Variants in MTTP observed in about 807,000 individuals in gnomAD.
MTTP encodes microsomal triglyceride transfer protein.
In MTTP, 49 loss-of-function variants were observed where a neutral mutation model predicts 90.6. The observed-to-expected ratio is 0.54, with a 90% CI of 0.43 to 0.69. The LOEUF (loss-of-function observed/expected upper bound fraction) is 0.69. Among genes scored for constraint, MTTP ranks in the 30% least tolerant of loss-of-function variants. The pLI is 0.00. For synonymous variants in MTTP, 347 were observed against 384.2 expected (o/e 0.90, Z 1.13); for missense variants, 945 against 1,067.5 (o/e 0.89, Z 1.60).
intron 8 of MTTP, among the ~76,000 whole-genome samples, chr4:99,598,067 A>C (rs1468605618): frequency 6.6e-6 from 1 of 152,204 alleles, no homozygotes; most frequent in Non-Finnish European, 1.5e-5. Flanking sequence ...ACAGGAGGAA[A>C]ATTGCAGCTT....
At chr4:99,570,619 A>G (rs1724820462), upstream of MTTP, 2 of 449,098 alleles carry the variant, frequency 4.5e-6, no homozygotes, top group South Asian at 3.2e-5. Context: ...AACCTGTGAT[A>G]GTCTAAGTTA....
intron 14 of MTTP, among the ~76,000 whole-genome samples, chr4:99,612,548 TAA>T (rs1725985801): frequency 1.3e-5 from 2 of 152,082 alleles, no homozygotes; most frequent in South Asian, 2.1e-4. Context: ...CTGGAAAGAC[TAA>T]GAGTCTGTAG....
At chr4:99,611,636 G>T (rs1375458936) in intron 14 of MTTP, among the ~76,000 whole-genome samples, 183 bp downstream of exon 14, 1 of 152,174 alleles carries the variant, frequency 6.6e-6, no homozygotes. Context: ...CTCAGAGAAA[G>T]TTTCGAATTT....
intron 15 of MTTP, among the ~76,000 whole-genome samples, chr4:99,616,221 C>T (rs1726096001): frequency 6.6e-6 from 1 of 152,026 alleles, no homozygotes; most frequent in Admixed American, 6.6e-5. Flanking sequence ...TGGTGAAACC[C>T]CAGATCTACA....
In MTTP at chr4:99,574,845, GAA is replaced by G. The variant is rs746269501; in HGVS notation, c.-63_-62del. On this transcript the variant is annotated 5_prime_UTR_variant, in exon 1 of 18. Transcript: ENST00000265517. ...GGTCACTCCCTCACTGGCTGCCATTGAAAGAGTCCACTTCTCAGTGACTCCTA... is the reference window on the plus strand; with the variant it reads ...GGTCACTCCCTCACTGGCTGCCATTGAGAGTCCACTTCTCAGTGACTCCTA... The G allele has an allele frequency of 3.0e-5, 49 of 1,613,938 alleles. 1 individual carries two copies. In the South Asian group the frequency reaches 5.2e-4, roughly 17 times the overall value.
chr4:99,568,796 A>G (rs1724766242), intron 1 of MTTP, among the ~76,000 whole-genome samples: 1 of 152,186 alleles, frequency 6.6e-6, no homozygotes, highest in Admixed American at 6.5e-5. Flanking sequence ...CAGTGGCTAA[A>G]GATAGAACAA....
At position 99,611,408 on chromosome 4, in the gene MTTP, G is replaced by C. The variant is rs371687158; in HGVS notation, c.1944G>C (p.Leu648=). 1 of 1,613,936 alleles carries C rather than the reference G, an allele frequency of 6.2e-7. No homozygotes were observed. The highest frequency in any genetic ancestry group is 1.3e-5 in the African/African-American group (1 of 74,908). Residue 648 remains leucine (L), a synonymous_variant, in exon 14 of 18, where the codon CTG becomes CTC. Transcript: ENST00000265517. ...CTGGCATTCTAAGGAGAAGTAACCT[G>C]AACATCTTTCAGTACATTGGGAAGG... is the stretch of plus-strand genomic sequence containing the variant. The part of the protein sequence containing the change: ...SGSGILRRSN[L]NIFQYIGKAG...
At chr4:99,608,556 A>G (rs2110229954) in intron 11 of MTTP, among the ~76,000 whole-genome samples, 1 of 152,364 alleles carries the variant, frequency 6.6e-6, no homozygotes. Context: ...CCAGCTCTTA[A>G]CGGCCTCAGC....
Position 99,622,659 on chromosome 4 carries a change from G to A in MTTP, c.2514-18G>A, listed in dbSNP as rs750102561. On this transcript the variant is annotated intron_variant, in intron 17 of 17. Coordinates refer to ENST00000265517, the MANE Select transcript of MTTP (RefSeq NM_001386140.1). ...TAACTGTGTGTGTAATTCTGTTATTGTTGCTGTTGTTGTACAGGCAATTTG... is the reference window on the plus strand; with the variant it reads ...TAACTGTGTGTGTAATTCTGTTATTATTGCTGTTGTTGTACAGGCAATTTG... 4.3e-5 allele frequency: 69 copies of A among 1,613,080 alleles called. No homozygotes were observed. The highest frequency in any genetic ancestry group is 5.7e-5 in the Non-Finnish European group (67 of 1,179,250).
At position 99,622,855 on chromosome 4, in the gene MTTP, C is replaced by T. The variant is rs1425081399; in HGVS notation, c.*7C>T. 3 of 1,613,596 alleles carry T rather than the reference C, an allele frequency of 1.9e-6. No individual in the cohort carries two copies. Among genetic ancestry groups the T allele is most frequent in the Non-Finnish European group, 2.5e-6 (3 of 1,179,650 alleles). ...TTCCAGCGGATGGTTTTGAAACTGA[C>T]CTGTGATATTTTACTTGAATTTGTC... On this transcript the variant is annotated 3_prime_UTR_variant, in exon 18 of 18. Transcript: ENST00000265517.
chr4:99,580,108 G>A (rs1300914064), intron 1 of MTTP, among the ~76,000 whole-genome samples: 1 of 150,206 alleles, frequency 6.7e-6, no homozygotes, highest in Admixed American at 6.7e-5. Flanking sequence ...GTTAACTGGT[G>A]TAGTCCCAGA....
upstream of MTTP, chr4:99,574,752 C>G: frequency 6.5e-7 from 1 of 1,531,356 alleles, no homozygotes; most frequent in Non-Finnish European, 8.9e-7. Flanking sequence ...GAACTTAGGT[C>G]CTGATTTTGG....
Position 99,583,521 on chromosome 4 carries a change from A to G in MTTP, c.393+4A>G, listed in dbSNP as rs1218242125. The G allele has an allele frequency of 1.2e-6, 2 of 1,613,438 alleles. No homozygotes were observed. Among genetic ancestry groups the G allele is most frequent in the African/African-American group, 1.3e-5 (1 of 74,920 alleles). On this transcript the variant is annotated splice_donor_region_variant and intron_variant, in intron 3 of 17. Coordinates refer to ENST00000265517, the MANE Select transcript of MTTP (RefSeq NM_001386140.1). ...CCTTCATCTAATCCATGGAAAGGTAAAGGGGCGTTTAGATTCCACAACTTT... is the reference window on the plus strand; with the variant it reads ...CCTTCATCTAATCCATGGAAAGGTAGAGGGGCGTTTAGATTCCACAACTTT...
Position 99,583,384 on chromosome 4 carries a change from T to G in MTTP, c.260T>G (p.Val87Gly). ...TTTCTGTTACTCCAGATGAAGGATG[T>G]AAATGTTGAAAATGTGAATCAGCAG... ...DQLIQITMKD[V>G]NVENVNQQRG... is the part of the protein sequence containing the mutation. Residue 87 changes from valine (V) to glycine (G), a missense_variant, in exon 3 of 18, where the codon GTA becomes GGA. By Grantham distance (109) the Val-to-Gly change is moderately radical. Coordinates refer to ENST00000265517, the MANE Select transcript of MTTP (RefSeq NM_001386140.1). The G allele has an allele frequency of 6.2e-7, 1 of 1,613,166 alleles. No individual in the cohort carries two copies. The highest frequency in any genetic ancestry group is 1.3e-5 in the African/African-American group (1 of 74,996).
At chr4:99,613,477 T>C (rs1303073982) in intron 15 of MTTP, among the ~76,000 whole-genome samples, 2 of 152,178 alleles carry the variant, frequency 1.3e-5, no homozygotes, top group Non-Finnish European at 2.9e-5. Flanking sequence ...ATATTTATCC[T>C]GAAGGCAGGA....
At chr4:99,595,807 A>G (rs1306449687) in intron 7 of MTTP, among the ~76,000 whole-genome samples, 1 of 151,338 alleles carries the variant, frequency 6.6e-6, no homozygotes, top group African/African-American at 2.4e-5. Context: ...CTAATGCTGT[A>G]TGAGATGGAA....
upstream of MTTP, among the ~76,000 whole-genome samples, chr4:99,573,432 C>T (rs1318178153): frequency 5.3e-5 from 8 of 152,064 alleles, no homozygotes; most frequent in South Asian, 8.3e-4. Flanking sequence ...GTTTAACTCC[C>T]GGAAAACTTC....
chr4:99,622,949 A>G lies in MTTP; in HGVS notation c.*101A>G, dbSNP rs1293803413. 1.4e-6 allele frequency: 2 copies of G among 1,382,868 alleles called. No individual in the cohort carries two copies. Among genetic ancestry groups the G allele is most frequent in the African/African-American group, 1.4e-5 (1 of 69,958 alleles). 85.7% of individuals were successfully genotyped at this position (1,382,868 alleles called of 1,614,324 possible). A position where few individuals can be genotyped will look rare whatever the true frequency, so the allele number is the denominator to read the frequency against. ...CTGAGAGCACAGCGTTTACATATTT[A>G]CCTGTATTTAAGATTTTTGTAAAAA... is the stretch of plus-strand genomic sequence containing the variant. On this transcript the variant is annotated 3_prime_UTR_variant, in exon 18 of 18. Transcript: ENST00000265517.
intron 1 of MTTP, among the ~76,000 whole-genome samples, chr4:99,579,573 A>G (rs1305175424): frequency 6.6e-6 from 1 of 152,044 alleles, no homozygotes; most frequent in Non-Finnish European, 1.5e-5. Flanking sequence ...CAGCATCTCC[A>G]TTCCCTTTCC....
Sources: gnomAD v4.1 joint callset for allele counts (sites outside exome capture counted in the v4.1 genomes callset) on GRCh38, gnomAD v4.1.1 for gene constraint, MANE v1.5 for transcripts, NCBI Gene and HGNC (gene_info 2026-07-23, HGNC 2026-07-21) for gene names.